The following CTNNA3 variants were observed in gnomAD, a reference collection of about 807,000 sequenced individuals.
CTNNA3 encodes the protein catenin alpha-3.
Under a neutral mutation model 95.7 loss-of-function variants are expected in CTNNA3, and 76 were observed. The observed-to-expected ratio is 0.79, with a 90% CI of 0.66 to 0.96. CTNNA3 has a LOEUF of 0.96. Ranked by LOEUF, CTNNA3 falls within the 40% of genes least tolerant of loss-of-function variation. The probability of loss-of-function intolerance (pLI) is 0.00; values close to 1 mark genes in which losing one functional copy is unlikely to be tolerated. For synonymous variants in CTNNA3, 431 were observed against 374.4 expected (o/e 1.15, Z -1.74); for missense variants, 1,191 against 1,089.8 (o/e 1.09, Z -1.31).
chr10:66,448,330 T>C (rs1357078875), intron 11 of CTNNA3, among the ~76,000 whole-genome samples: 4 of 152,180 alleles, frequency 2.6e-5, no homozygotes, highest in Non-Finnish European at 5.9e-5. Context: ...TTACTGGGTA[T>C]ATACCCAAAG....
intron 11 of CTNNA3, among the ~76,000 whole-genome samples, chr10:66,476,572 T>G (rs960061495): frequency 4.6e-5 from 7 of 152,246 alleles, no homozygotes; most frequent in African/African-American, 1.4e-4. Context: ...TTATTTTTGT[T>G]ATGTATTTAT....
intron 5 of CTNNA3, among the ~76,000 whole-genome samples, chr10:67,411,952 AT>A (rs1184741153): frequency 6.6e-6 from 1 of 152,152 alleles, no homozygotes. Flanking sequence ...ATAAAAAAAA[AT>A]AAATCTGTTG....
At chr10:65,958,877 A>T (rs930189163) in intron 17 of CTNNA3, among the ~76,000 whole-genome samples, 1 of 152,196 alleles carries the variant, frequency 6.6e-6, no homozygotes, top group Non-Finnish European at 1.5e-5. Context: ...CCGTTCTCAG[A>T]TCTCAAACTC....
chr10:67,427,861 G>A (rs1203281246), intron 5 of CTNNA3, among the ~76,000 whole-genome samples: 4 of 151,960 alleles, frequency 2.6e-5, no homozygotes, highest in Non-Finnish European at 5.9e-5. Context: ...AGAAAATAAT[G>A]ATGCTTACAG....
At chr10:66,865,173 T>C (rs1048554489) in intron 7 of CTNNA3, among the ~76,000 whole-genome samples, 3 of 151,462 alleles carry the variant, frequency 2.0e-5, no homozygotes, top group Admixed American at 6.6e-5. Context: ...CTAACATTTA[T>C]GAATGCTATC....
At chr10:67,166,478 C>G (rs1021786647) in intron 7 of CTNNA3, among the ~76,000 whole-genome samples, 1 of 151,856 alleles carries the variant, frequency 6.6e-6, no homozygotes, top group Non-Finnish European at 1.5e-5. Context: ...ATTTTTAACC[C>G]GAGACTTAAA....
chr10:66,278,252 T>C (rs145201984), intron 13 of CTNNA3, among the ~76,000 whole-genome samples: 4 of 149,254 alleles, frequency 2.7e-5, no homozygotes, highest in African/African-American at 9.9e-5. Flanking sequence ...TGGAAAAAAA[T>C]ATAGGCTAAT....
At chr10:66,309,419 G>A (rs1223531804) in intron 12 of CTNNA3, among the ~76,000 whole-genome samples, 2 of 152,010 alleles carry the variant, frequency 1.3e-5, no homozygotes, top group Admixed American at 1.3e-4. Context: ...CGGGCCGGGT[G>A]CAGTGGCTCA....
At chr10:67,409,981 A>G (rs930148929) in intron 5 of CTNNA3, among the ~76,000 whole-genome samples, 16 of 152,122 alleles carry the variant, frequency 1.1e-4, no homozygotes, top group Admixed American at 7.2e-4. Flanking sequence ...CAAAAATACC[A>G]CTGGACCCAG....
At chr10:67,488,941 G>T (rs1249286504) in intron 5 of CTNNA3, among the ~76,000 whole-genome samples, 1 of 152,066 alleles carries the variant, frequency 6.6e-6, no homozygotes, top group Non-Finnish European at 1.5e-5. Flanking sequence ...TCGCCATGTT[G>T]CCCAGGCTGG....
rs2092124275 is a variant in CTNNA3 at position 66,317,960 on chromosome 10, T to C, written c.1733-37339A>G. 3.3e-5 allele frequency among the ~76,000 whole-genome samples: 5 copies of C among 152,058 alleles called. No individual in the cohort carries two copies. In the South Asian group the frequency reaches 1.0e-3, roughly 32 times the overall value. On this transcript the variant is annotated intron_variant, in intron 12 of 17. Coordinates refer to ENST00000433211, the MANE Select transcript of CTNNA3 (RefSeq NM_013266.4). ...GTCGGATATTTATTAAATAAGTGCATGCCAGCAACTATATGGACAAAAGAC... is the reference window on the plus strand; with the variant it reads ...GTCGGATATTTATTAAATAAGTGCACGCCAGCAACTATATGGACAAAAGAC...
chr10:67,555,544 A>G lies in CTNNA3; in HGVS notation c.293-15875T>C, dbSNP rs10997710. The stretch of plus-strand genomic sequence containing the variant: ...GTGAATGAGAGTTCACTCATGATTT[A>G]GCTCTCTGTTTGTCTGTTATTGGTA... On this transcript the variant is annotated intron_variant, in intron 3 of 17. Transcript: ENST00000433211. 6.8e-3 allele frequency among the ~76,000 whole-genome samples: 1,040 copies of G among 152,174 alleles called. 10 individuals are homozygous for G. The highest frequency in any genetic ancestry group is 0.024 in the African/African-American group (1,000 of 41,536).
At chr10:66,947,492 C>A (rs1372872859) in intron 7 of CTNNA3, among the ~76,000 whole-genome samples, 1 of 152,098 alleles carries the variant, frequency 6.6e-6, no homozygotes, top group Non-Finnish European at 1.5e-5. Flanking sequence ...GTTATTTAAG[C>A]AACTGAGCCT....
intron 11 of CTNNA3, among the ~76,000 whole-genome samples, chr10:66,480,631 G>C (rs1208429951): frequency 6.6e-6 from 1 of 151,366 alleles, no homozygotes; most frequent in Non-Finnish European, 1.5e-5. Flanking sequence ...TTGAGACAAA[G>C]TCTCGCTCTG....
At chr10:67,001,324 AG>A (rs1453220466) in intron 7 of CTNNA3, among the ~76,000 whole-genome samples, 2 of 150,336 alleles carry the variant, frequency 1.3e-5, no homozygotes, top group South Asian at 4.2e-4. Flanking sequence ...AAAAAAAAAG[AG>A]AAAAAAATTA....
chr10:66,396,851 CAA>C (rs2132546727), intron 11 of CTNNA3, among the ~76,000 whole-genome samples: 1 of 151,824 alleles, frequency 6.6e-6, no homozygotes, highest in East Asian at 1.9e-4. Context: ...TGAAGTGAAA[CAA>C]TGATTTTAAT....
chr10:66,697,089 T>C (rs1389793098), intron 9 of CTNNA3, among the ~76,000 whole-genome samples: 3 of 151,980 alleles, frequency 2.0e-5, no homozygotes, highest in African/African-American at 4.8e-5. Flanking sequence ...CCACAAAATA[T>C]ACCTGGAGAA....
At chr10:67,467,924 T>C (rs1002468730) in intron 5 of CTNNA3, among the ~76,000 whole-genome samples, 3 of 151,962 alleles carry the variant, frequency 2.0e-5, no homozygotes, top group African/African-American at 7.2e-5. Context: ...TTGCCCACGC[T>C]GGTCTCAAAC....
chr10:66,611,947 G>T (rs1844343227), intron 10 of CTNNA3, among the ~76,000 whole-genome samples: 1 of 152,072 alleles, frequency 6.6e-6, no homozygotes, highest in Non-Finnish European at 1.5e-5. Flanking sequence ...ATCTAGTGGT[G>T]ACATCTCAAG....
Sources: gnomAD v4.1 joint callset for allele counts (sites outside exome capture counted in the v4.1 genomes callset) on GRCh38, gnomAD v4.1.1 for gene constraint, MANE v1.5 for transcripts, NCBI Gene and HGNC (gene_info 2026-07-23, HGNC 2026-07-21) for gene names.